Variants in LYST observed in about 807,000 individuals in gnomAD.
LYST encodes lysosomal-trafficking regulator.
LYST carries 192 observed loss-of-function variants against 413.6 expected under a neutral mutation model. The ratio of observed to expected loss-of-function variants is 0.46; its 90% CI spans 0.41 to 0.52. LYST has a LOEUF of 0.52. Ranked by LOEUF, LYST falls within the 20% of genes least tolerant of loss-of-function variation. The pLI is 0.00. For missense variants in LYST, 3,815 were observed against 4,499.9 expected, an observed-to-expected ratio of 0.85 and a Z score of 4.35; for synonymous variants, 1,525 against 1,567.3, an observed-to-expected ratio of 0.97 and a Z score of 0.64.
chr1:235,823,651 G>A (rs74148833), intron 3 of LYST, among the ~76,000 whole-genome samples: 11 of 152,148 alleles, frequency 7.2e-5, no homozygotes, highest in African/African-American at 2.2e-4. Context: ...TTCAGCCTTC[G>A]CTGTAACTTC....
chr1:235,666,157 A>G (rs1230318536), intron 50 of LYST, among the ~76,000 whole-genome samples: 3 of 152,020 alleles, frequency 2.0e-5, no homozygotes, highest in Non-Finnish European at 4.4e-5. Flanking sequence ...CATTATTCAC[A>G]ATAGCCAAGA....
intron 42 of LYST, 180 bp from the exon 43 acceptor site, chr1:235,712,377 C>A (rs1351637828): frequency 5.5e-6 from 3 of 544,372 alleles, no homozygotes; most frequent in Non-Finnish European, 9.4e-6. Flanking sequence ...AACTTGAGAT[C>A]ATATTACATT....
chr1:235,821,865 G>A (rs777620111), intron 3 of LYST, among the ~76,000 whole-genome samples: 1 of 152,198 alleles, frequency 6.6e-6, no homozygotes, highest in Non-Finnish European at 1.5e-5. Flanking sequence ...TTATTAAATG[G>A]CCATAATACT....
At chr1:235,820,223 G>A (rs1170231964) in intron 3 of LYST, among the ~76,000 whole-genome samples, 1 of 152,200 alleles carries the variant, frequency 6.6e-6, no homozygotes, top group Non-Finnish European at 1.5e-5. Context: ...GGAAAGGGCT[G>A]AGATCACAAA....
intron 30 of LYST, among the ~76,000 whole-genome samples, chr1:235,743,626 G>A (rs1212636249): frequency 6.6e-6 from 1 of 152,018 alleles, no homozygotes; most frequent in Non-Finnish European, 1.5e-5. Context: ...AAAAATGAGA[G>A]TAAGTAGCCA....
chr1:235,753,805 T>C (rs1369214768), intron 25 of LYST, among the ~76,000 whole-genome samples: 2 of 152,196 alleles, frequency 1.3e-5, no homozygotes, highest in Non-Finnish European at 2.9e-5. Context: ...CTCAAGGCTA[T>C]TGTGAGAATC....
At chr1:235,672,447 C>G (rs1659022090) in intron 50 of LYST, among the ~76,000 whole-genome samples, 1 of 152,102 alleles carries the variant, frequency 6.6e-6, no homozygotes, top group African/African-American at 2.4e-5. Context: ...GACTAGTATT[C>G]TGAAAGCCAC....
intron 27 of LYST, 87 bp from the exon 28 acceptor site, chr1:235,751,449 G>T: frequency 8.5e-7 from 1 of 1,180,616 alleles, no homozygotes; most frequent in African/African-American, 1.5e-5. Flanking sequence ...TGACAATAAT[G>T]TTTTGATATA....
intron 3 of LYST, among the ~76,000 whole-genome samples, chr1:235,820,082 T>C (rs1207452911): frequency 1.3e-5 from 2 of 152,262 alleles, no homozygotes; most frequent in Non-Finnish European, 2.9e-5. Flanking sequence ...ATATTTCAAG[T>C]ACCAACAAGG....
rs1157532838 is a variant in LYST at position 235,677,631 on chromosome 1, AAATT to A, written c.10801-16_10801-13del. On this transcript the variant is annotated splice_polypyrimidine_tract_variant and intron_variant, in intron 48 of 52. Coordinates refer to ENST00000389793, the MANE Select transcript of LYST (RefSeq NM_000081.4). Reference sequence around the variant, plus strand: ...TCTATTTCTGATGGCTGAAATTTTAAAATTAAGTATGAGATAAAAACCACAACAA... The same window carrying A: ...TCTATTTCTGATGGCTGAAATTTTAAAAGTATGAGATAAAAACCACAACAA... The A allele has an allele frequency of 6.2e-7, 1 of 1,608,512 alleles. No individual in the cohort carries two copies. Among genetic ancestry groups the A allele is most frequent in the Non-Finnish European group, 8.5e-7 (1 of 1,175,344 alleles).
chr1:235,866,909 T>TGCCGCC (rs990312277), upstream of LYST: 3 of 153,112 alleles, frequency 2.0e-5, no homozygotes, highest in East Asian at 1.9e-4. Context: ...CCGACGCCGC[T>TGCCGCC]GCCGCCGCCG....
intron 1 of LYST, among the ~76,000 whole-genome samples, chr1:235,835,615 GCA>G (rs1676490979): frequency 1.3e-5 from 2 of 152,148 alleles, no homozygotes; most frequent in Non-Finnish European, 2.9e-5. Context: ...CTAACCACCA[GCA>G]CAGTCACATG....
intron 44 of LYST, among the ~76,000 whole-genome samples, chr1:235,705,441 A>G (rs1361804528): frequency 6.6e-6 from 1 of 152,134 alleles, no homozygotes; most frequent in African/African-American, 2.4e-5. Context: ...GCTGGAATGC[A>G]GTGGCACGAT....
chr1:235,709,399 T>C, intron 43 of LYST, 91 bp from the exon 44 acceptor site: 6 of 1,044,948 alleles, frequency 5.7e-6, no homozygotes, highest in Non-Finnish European at 8.7e-6. Flanking sequence ...CAAAAATAGC[T>C]GTTTGTGTGC....
intron 21 of LYST, among the ~76,000 whole-genome samples, chr1:235,765,343 G>A (rs1425377197): frequency 6.6e-6 from 1 of 151,896 alleles, no homozygotes; most frequent in Non-Finnish European, 1.5e-5. Flanking sequence ...TGTCTCTCAC[G>A]GACTACTATA....
intron 14 of LYST, among the ~76,000 whole-genome samples, chr1:235,782,871 C>T (rs574257693): frequency 1.1e-3 from 166 of 152,270 alleles, no homozygotes; most frequent in Middle Eastern, 0.01. Flanking sequence ...CATTGAAATG[C>T]CAATACTTTC....
intron 50 of LYST, among the ~76,000 whole-genome samples, chr1:235,675,846 C>A (rs1659342422): frequency 6.6e-6 from 1 of 152,090 alleles, no homozygotes; most frequent in African/African-American, 2.4e-5. Context: ...TGGTGGGACA[C>A]CCAGTTGGTG....
chr1:235,719,768 C>T (rs576797539), intron 40 of LYST, among the ~76,000 whole-genome samples: 3 of 152,070 alleles, frequency 2.0e-5, no homozygotes, highest in East Asian at 1.9e-4. Flanking sequence ...ACAAACCAAA[C>T]GACGTCATGG....
At chr1:235,740,014 C>A (rs534969177) in intron 31 of LYST, among the ~76,000 whole-genome samples, 1 of 152,192 alleles carries the variant, frequency 6.6e-6, no homozygotes, top group Non-Finnish European at 1.5e-5. Flanking sequence ...TGATGGATAG[C>A]AACTTTGCTG....
Sources: allele counts gnomAD v4.1 joint callset (sites outside exome capture counted in the v4.1 genomes callset), GRCh38; gene constraint gnomAD v4.1.1; transcripts MANE v1.5; gene names NCBI Gene and HGNC (gene_info 2026-07-23, HGNC 2026-07-21).